UBAP1: variants seen among roughly 807,000 people sequenced by gnomAD.
UBAP1 encodes ubiquitin associated protein 1.
A neutral mutation model predicts 39.0 loss-of-function variants in UBAP1; 5 were observed. The observed-to-expected ratio is 0.13, with a 90% CI of 0.07 to 0.27. The LOEUF (loss-of-function observed/expected upper bound fraction) is 0.27. UBAP1 is among the 10% of genes least tolerant of loss of function. UBAP1 has a pLI of 1.00. For synonymous variants in UBAP1, 211 were observed against 225.1 expected (o/e 0.94, Z 0.56); for missense variants, 490 against 608.1 (o/e 0.81, Z 2.04).
chr9:34,188,164 C>G (rs932826540), intron 1 of UBAP1, among the ~76,000 whole-genome samples: 5 of 148,988 alleles, frequency 3.4e-5, no homozygotes, highest in Non-Finnish European at 7.4e-5. Context: ...AAATACACTA[C>G]AAATACTGTT....
rs1017431307 is a variant in UBAP1 at position 34,179,095 on chromosome 9, C to T, written c.-153C>T. On this transcript the variant is annotated 5_prime_UTR_variant, in exon 1 of 7. The change creates a new upstream start codon in the 5' untranslated region. Coordinates refer to ENST00000297661, the MANE Select transcript of UBAP1 (RefSeq NM_016525.5). ...GCGGCACTGGCGGTGGCTACGGTGA[C>T]GGCCTGGCCCGGAGCGGGCAGAGTT... The T allele has an allele frequency of 1.6e-6, 2 of 1,277,164 alleles. No homozygotes were observed. Among genetic ancestry groups the T allele is most frequent in the Non-Finnish European group, 2.0e-6 (2 of 1,009,602 alleles). The allele number at this position is 1,277,164 out of a possible 1,614,324, so 79.1% of individuals were successfully genotyped here.
intron 1 of UBAP1, among the ~76,000 whole-genome samples, chr9:34,183,552 CAA>C (rs750204121): frequency 5.5e-5 from 3 of 54,130 alleles, no homozygotes; most frequent in Admixed American, 2.3e-4. Flanking sequence ...GACTCCGTCT[CAA>C]AAAAAAAAAA....
Position 34,242,063 on chromosome 9 carries a change from G to T in UBAP1, c.1038G>T (p.Leu346Phe), listed in dbSNP as rs1587880822. 6.2e-7 allele frequency: 1 copy of T among 1,613,440 alleles called. No homozygotes were observed. The highest frequency in any genetic ancestry group is 1.1e-5 in the South Asian group (1 of 91,064). ...TSSQMPSLSV[L>F]SVCTEESSPP... is the part of the protein sequence containing the mutation. ...CCCAGATGCCTTCCCTCTCTGTTTTGTCTGTGTGCACAGAGGAATCATCAC... is the reference window on the plus strand; with the variant it reads ...CCCAGATGCCTTCCCTCTCTGTTTTTTCTGTGTGCACAGAGGAATCATCAC... Residue 346 changes from leucine to phenylalanine, a missense_variant, in exon 4 of 7, where the codon TTG (leucine) becomes TTT (phenylalanine). By Grantham distance (22) the Leu-to-Phe change is conservative. This residue lies in a region of UBAP1 where 339 missense variants were observed against 390.0 expected (regional missense o/e 0.87). Transcript: ENST00000297661.
At chr9:34,229,606 C>A (rs921816889) in intron 2 of UBAP1, among the ~76,000 whole-genome samples, 1 of 148,900 alleles carries the variant, frequency 6.7e-6, no homozygotes, top group African/African-American at 2.5e-5. Flanking sequence ...GGAGCCATCT[C>A]GGCTCACTGC....
In UBAP1 at chr9:34,241,664, G is replaced by A. The variant is rs754526509; in HGVS notation, c.639G>A (p.Glu213=). The A allele has an allele frequency of 3.7e-6, 6 of 1,614,016 alleles. No homozygotes were observed. In the East Asian group the frequency reaches 1.3e-4, roughly 36 times the overall value. Residue 213 remains glutamate (E), a synonymous_variant, in exon 4 of 7, where the codon GAG becomes GAA. Transcript: ENST00000297661. ...GGSGSVLQDE[E]VLASLERATL... is the part of the protein sequence containing the mutation. ...CTGGGTCTGTGTTACAGGATGAGGA[G>A]GTCCTGGCATCCTTGGAACGGGCAA...
In UBAP1 at chr9:34,196,124, CTG is replaced by C. The variant is rs1247555280; in HGVS notation, c.-8+16885_-8+16886del. 6.0e-5 allele frequency among the ~76,000 whole-genome samples: 9 copies of C among 151,030 alleles called. No homozygotes were observed. The East Asian group carries it at 1.6e-3, about 26-fold the overall frequency. On this transcript the variant is annotated intron_variant, in intron 1 of 6. Coordinates refer to ENST00000297661, the MANE Select transcript of UBAP1 (RefSeq NM_016525.5). ...TAGCTTGCCAAGTTTCTATAAAAAG[CTG>C]CTGGCTTTTTATTTATTTATTTATT...
intron 2 of UBAP1, chr9:34,224,483 C>T (rs193059911): frequency 4.6e-5 from 18 of 389,896 alleles, no homozygotes; most frequent in African/African-American, 3.1e-4. Flanking sequence ...GTTACCTCCT[C>T]AAACATGGAC....
intron 2 of UBAP1, chr9:34,224,147 T>G: frequency 1.5e-6 from 1 of 655,812 alleles, no homozygotes; most frequent in South Asian, 2.6e-5. Flanking sequence ...GATTTTGGCC[T>G]TTTTTTTTCC....
chr9:34,241,308 G>C lies in UBAP1; in HGVS notation c.283G>C (p.Gly95Arg). 2 of 1,514,060 alleles carry C rather than the reference G, an allele frequency of 1.3e-6. No homozygotes were observed. The highest frequency in any genetic ancestry group is 1.8e-6 in the Non-Finnish European group (2 of 1,132,584). 93.8% of individuals were successfully genotyped at this position (1,514,060 alleles called of 1,614,324 possible). Reference sequence around the variant, plus strand: ...AGAAGCTAAAGTGAATTCTAAGAGTGGCCCAGAGGGCGATAGCAAAATGAG... The same window carrying C: ...AGAAGCTAAAGTGAATTCTAAGAGTCGCCCAGAGGGCGATAGCAAAATGAG... The part of the protein sequence containing the change: ...EAEAKVNSKS[G>R]PEGDSKMSFS... The change falls in exon 4 of 7, where the codon GGC becomes CGC. Residue 95 changes from glycine to arginine, a missense_variant. Around this residue, in one of 3 missense-constraint regions of UBAP1, gnomAD observed 144 missense variants for 184.4 expected, o/e 0.78. Transcript: ENST00000297661.
Position 34,251,557 on chromosome 9 carries a change from C to T in UBAP1, c.*25C>T, listed in dbSNP as rs763527563. ...AGACCAGGCCCTGCCTAGGCCCTGC[C>T]GCAGAACCACCATCCCTGGGAGGCC... On this transcript the variant is annotated 3_prime_UTR_variant, in exon 7 of 7. Coordinates refer to ENST00000297661, the MANE Select transcript of UBAP1 (RefSeq NM_016525.5). 62 of 1,609,170 alleles carry T rather than the reference C, an allele frequency of 3.9e-5. No homozygotes were observed. Among genetic ancestry groups the T allele is most frequent in the East Asian group, 2.2e-4 (10 of 44,810 alleles).
chr9:34,182,673 TTCTTTCTTTCTC>T (rs1830142927), intron 1 of UBAP1, among the ~76,000 whole-genome samples: 4 of 66,996 alleles, frequency 6.0e-5, no homozygotes, highest in African/African-American at 2.0e-4. Context: ...CTTTCTTTCT[TTCTTTCTTTCTC>T]TCTCTCTTTC....
At chr9:34,194,876 A>C (rs1239766141) in intron 1 of UBAP1, among the ~76,000 whole-genome samples, 7 of 152,176 alleles carry the variant, frequency 4.6e-5, no homozygotes, top group Admixed American at 3.3e-4. Flanking sequence ...GCTTTGAATA[A>C]GTTCTGATGA....
At chr9:34,202,624 C>CCTCTGTGTGTGTGT (rs1491103579) in intron 1 of UBAP1, among the ~76,000 whole-genome samples, 11 of 107,364 alleles carry the variant, frequency 1.0e-4, no homozygotes, top group African/African-American at 4.3e-4. Context: ...TAGACAGAAA[C>CCTCTGTGTGTGTGT]GTGTGTGTGT....
rs1554650798 is a variant in UBAP1, at chr9:34,226,121, G to GTGTGTGTGTGTGTGTT, written c.34+5188_34+5189insTTGTGTGTGTGTGTGT. ...CCTACTCTATTGTGTGTGTGTGTGT[G>GTGTGTGTGTGTGTGTT]TGTGTGTGTGTGTGTGTGTGTGTGT... On this transcript the variant is annotated intron_variant, in intron 2 of 6. Coordinates refer to ENST00000297661, the MANE Select transcript of UBAP1 (RefSeq NM_016525.5). 6.1e-4 allele frequency among the ~76,000 whole-genome samples: 60 copies of GTGTGTGTGTGTGTGTT among 98,402 alleles called. 1 individual carries two copies. Among genetic ancestry groups the GTGTGTGTGTGTGTGTT allele is most frequent in the African/African-American group, 1.7e-3 (58 of 33,584 alleles). The allele number at this position is 98,402 out of a possible 152,430, so 64.6% of individuals were successfully genotyped here. A position where few individuals can be genotyped will look rare whatever the true frequency, so the allele number is the denominator to read the frequency against.
At position 34,179,162 on chromosome 9, in the gene UBAP1, T is replaced by C; in HGVS notation, c.-86T>C. 1 of 1,240,056 alleles carries C rather than the reference T, an allele frequency of 8.1e-7. No individual in the cohort carries two copies. The highest frequency in any genetic ancestry group is 1.0e-6 in the Non-Finnish European group (1 of 990,308). 76.8% of individuals were successfully genotyped at this position (1,240,056 alleles called of 1,614,324 possible). On this transcript the variant is annotated 5_prime_UTR_variant, in exon 1 of 7. Coordinates refer to ENST00000297661, the MANE Select transcript of UBAP1 (RefSeq NM_016525.5). ...GCTCTCCCTAGGGGCTGTCGGGAGC[T>C]CAGCGGGGACCGAGCCTGGGAGGCC...
chr9:34,214,619 A>G (rs1190418818), intron 1 of UBAP1, among the ~76,000 whole-genome samples: 1 of 152,242 alleles, frequency 6.6e-6, no homozygotes, highest in African/African-American at 2.4e-5. Flanking sequence ...AGCAAATGCA[A>G]TAAAAACAAA....
intron 1 of UBAP1, among the ~76,000 whole-genome samples, chr9:34,210,490 G>A (rs1046780279): frequency 2.6e-5 from 4 of 152,124 alleles, no homozygotes; most frequent in African/African-American, 9.7e-5. Context: ...AGGCCAAGAT[G>A]GGTGGATCAC....
chr9:34,241,835 A>G lies in UBAP1; in HGVS notation c.810A>G (p.Lys270=). Residue 270 remains lysine, a synonymous_variant, in exon 4 of 7, where the codon AAA becomes AAG. Transcript: ENST00000297661. ...ATATCAAATCCCTGTCTTTCCCCAA[A>G]CTTGACTCTGATGACAGCAATCAGA... ...VSNIKSLSFP[K]LDSDDSNQKT... 1 of 1,613,978 alleles carries G rather than the reference A, an allele frequency of 6.2e-7. No homozygotes were observed.
At chr9:34,235,748 C>T (rs866058184) in intron 3 of UBAP1, among the ~76,000 whole-genome samples, 2 of 152,176 alleles carry the variant, frequency 1.3e-5, no homozygotes, top group South Asian at 2.1e-4. Flanking sequence ...CATTCGCTTA[C>T]TCACTCACCC....
Sources: allele counts gnomAD v4.1 joint callset (sites outside exome capture counted in the v4.1 genomes callset), GRCh38; gene constraint gnomAD v4.1.1; regional missense constraint gnomAD v4.1.1; transcripts MANE v1.5; gene names NCBI Gene and HGNC (gene_info 2026-07-23, HGNC 2026-07-21).